PCDHA1: variants seen among roughly 807,000 people sequenced by gnomAD.
The protein encoded by PCDHA1 is protocadherin alpha-1.
Under a neutral mutation model 61.3 loss-of-function variants are expected in PCDHA1, and 42 were observed. The ratio of observed to expected loss-of-function variants is 0.69; its 90% CI spans 0.54 to 0.89. The LOEUF (loss-of-function observed/expected upper bound fraction) is 0.89, where lower values mean the gene tolerates loss of function less well. Ranked by LOEUF, PCDHA1 falls within the 40% of genes least tolerant of loss-of-function variation. The pLI is 0.00. For synonymous variants in PCDHA1, 610 were observed against 553.8 expected (o/e 1.10, Z -1.43); for missense variants, 1,256 against 1,235.3 (o/e 1.02, Z -0.25).
intron 1 of PCDHA1, among the ~76,000 whole-genome samples, chr5:140,941,221 TTC>T (rs1217645089): frequency 7.6e-6 from 1 of 131,640 alleles, no homozygotes; most frequent in African/African-American, 3.0e-5. Flanking sequence ...CTTCCTTTCT[TTC>T]TTTCTTTCTT....
chr5:140,786,724 CT>C lies in PCDHA1; in HGVS notation c.435del (p.Arg146AspfsTer3). 6.2e-7 allele frequency: 1 copy of C among 1,614,212 alleles called. No homozygotes were observed. Among genetic ancestry groups the C allele is most frequent in the South Asian group, 1.1e-5 (1 of 91,088 alleles). ...GREQIIFIPESRLLNSRFPIE... is the reference protein window; with the variant it reads ...GREQIIFIPEXRLLNSRFPIE... ...GAACAAATAATATTTATTCCTGAAT[CT>C]AGACTCCTGAATTCGCGTTTTCCGA... is the stretch of plus-strand genomic sequence containing the variant. On this transcript the variant is annotated frameshift_variant, in exon 1 of 4. Coordinates refer to ENST00000504120, the MANE Select transcript of PCDHA1 (RefSeq NM_018900.4). LOFTEE classifies it high-confidence loss of function.
At position 140,853,431 on chromosome 5, in the gene PCDHA1, T is replaced by C; in HGVS notation, c.2394+64747T>C. 3.0e-6 allele frequency: 3 copies of C among 985,312 alleles called. No homozygotes were observed. In the African/African-American group the frequency reaches 5.3e-5, roughly 17 times the overall value. The allele number at this position is 985,312 out of a possible 1,614,324, so 61.0% of individuals were successfully genotyped here. On this transcript the variant is annotated intron_variant, in intron 1 of 3. Coordinates refer to ENST00000504120, the MANE Select transcript of PCDHA1 (RefSeq NM_018900.4). ...AGAGGTGAAAGCAGAAGAGACACTTTCCTATTTTGCCTAATAGGTCTCCTT... is the reference window on the plus strand; with the variant it reads ...AGAGGTGAAAGCAGAAGAGACACTTCCCTATTTTGCCTAATAGGTCTCCTT...
intron 1 of PCDHA1, among the ~76,000 whole-genome samples, chr5:140,909,491 A>T (rs1031839388): frequency 1.3e-5 from 2 of 152,218 alleles, no homozygotes; most frequent in Non-Finnish European, 2.9e-5. Flanking sequence ...GGAGAGCTGA[A>T]CGGGGATGTG....
intron 1 of PCDHA1, chr5:140,824,244 A>AC: frequency 6.8e-7 from 1 of 1,468,334 alleles, no homozygotes; most frequent in Non-Finnish European, 9.4e-7. Context: ...ATATTGTGGT[A>AC]CACAATTATT....
intron 1 of PCDHA1, chr5:140,864,197 G>A (rs2048362384): frequency 6.6e-6 from 1 of 152,118 alleles, no homozygotes; most frequent in Non-Finnish European, 1.5e-5. Context: ...ATCCTTATGA[G>A]AAGGTCAAAT....
At chr5:140,984,339 A>G (rs956761683) in intron 3 of PCDHA1, among the ~76,000 whole-genome samples, 2 of 152,246 alleles carry the variant, frequency 1.3e-5, no homozygotes, top group Non-Finnish European at 2.9e-5. Context: ...AATAGGAACC[A>G]TGTATTGATA....
At chr5:140,834,412 G>T in intron 1 of PCDHA1, 1 of 1,611,044 alleles carries the variant, frequency 6.2e-7, no homozygotes, top group Non-Finnish European at 8.5e-7. Flanking sequence ...TACGACCCAG[G>T]GGGCCGACAT....
At chr5:140,875,588 C>T in intron 1 of PCDHA1, 1 of 1,613,954 alleles carries the variant, frequency 6.2e-7, no homozygotes, top group Non-Finnish European at 8.5e-7. Flanking sequence ...TACGAGGAGG[C>T]CAAACACGGC....
chr5:140,845,110 T>C (rs1779704552), intron 1 of PCDHA1, among the ~76,000 whole-genome samples: 1 of 149,836 alleles, frequency 6.7e-6, no homozygotes, highest in East Asian at 1.9e-4. Flanking sequence ...TTAATGCCTG[T>C]CCATGTTTAG....
rs2150124960 is a variant in PCDHA1 at position 140,823,354 on chromosome 5, G to C, written c.2394+34670G>C. ...GCTGCAGCCGCTGGACCACGAGGAA[G>C]TGGAGCTGCTGCAGTTCCAGGTGAG... On this transcript the variant is annotated intron_variant, in intron 1 of 3. Coordinates refer to ENST00000504120, the MANE Select transcript of PCDHA1 (RefSeq NM_018900.4). 30 of 1,612,450 alleles carry C rather than the reference G, an allele frequency of 1.9e-5. No individual in the cohort carries two copies. In the African/African-American group the frequency reaches 2.8e-4, roughly 15 times the overall value.
chr5:140,854,692 A>G (rs1554147391), intron 1 of PCDHA1: 1 of 150,100 alleles, frequency 6.7e-6, no homozygotes, highest in African/African-American at 2.4e-5. Flanking sequence ...TCTGTTGTTA[A>G]GTTTTCCTTT....
At chr5:140,983,767 A>C (rs550605597) in intron 3 of PCDHA1, among the ~76,000 whole-genome samples, 23 of 152,326 alleles carry the variant, frequency 1.5e-4, no homozygotes, top group African/African-American at 5.3e-4. Context: ...TCAAATACAT[A>C]TCTACATACA....
intron 1 of PCDHA1, chr5:140,870,643 G>C (rs782549928): frequency 6.2e-7 from 1 of 1,612,678 alleles, no homozygotes; most frequent in African/African-American, 1.3e-5. Flanking sequence ...CGCGGAGAGC[G>C]GCAAGGTGTA....
chr5:140,794,803 C>A, intron 1 of PCDHA1: 1 of 743,512 alleles, frequency 1.3e-6, no homozygotes, highest in Non-Finnish European at 2.2e-6. Context: ...ATGTCGCTGT[C>A]CACCATAGAG....
intron 1 of PCDHA1, among the ~76,000 whole-genome samples, chr5:140,925,577 C>T (rs931426226): frequency 2.6e-5 from 4 of 151,714 alleles, no homozygotes; most frequent in Non-Finnish European, 5.9e-5. Context: ...AGCACACCAA[C>T]ATGGCGCATG....
At position 140,957,153 on chromosome 5, in the gene PCDHA1, A is replaced by G. The variant is rs988889035; in HGVS notation, c.2395-21796A>G. Among the ~76,000 whole-genome samples, 121 of 152,268 alleles carry G rather than the reference A, an allele frequency of 7.9e-4. 1 individual carries two copies. Among genetic ancestry groups the G allele is most frequent in the East Asian group, 3.9e-4 (2 of 5,186 alleles). On this transcript the variant is annotated intron_variant, in intron 1 of 3. Transcript: ENST00000504120. Reference sequence around the variant, plus strand: ...ACACTATGAACTAAAAATTTTGGAGACAAATCTAAGTATATAAATTGGTTT... The same window carrying G: ...ACACTATGAACTAAAAATTTTGGAGGCAAATCTAAGTATATAAATTGGTTT...
intron 1 of PCDHA1, among the ~76,000 whole-genome samples, chr5:140,826,618 T>C (rs935970979): frequency 1.3e-5 from 2 of 152,148 alleles, no homozygotes; most frequent in African/African-American, 4.8e-5. Context: ...GCGAAGTTGA[T>C]ATTTGGCCCT....
intron 1 of PCDHA1, chr5:140,871,242 G>T: frequency 6.2e-7 from 1 of 1,613,980 alleles, no homozygotes; most frequent in South Asian, 1.1e-5. Flanking sequence ...TGGTACTCAC[G>T]CTGCTGCTGT....
At chr5:140,984,783 G>A (rs2097120793) in intron 3 of PCDHA1, among the ~76,000 whole-genome samples, 1 of 152,152 alleles carries the variant, frequency 6.6e-6, no homozygotes, top group African/African-American at 2.4e-5. Flanking sequence ...CTTGCTGGGT[G>A]AGCATAGACA....
Sources: allele counts gnomAD v4.1 joint callset (sites outside exome capture counted in the v4.1 genomes callset), GRCh38; gene constraint gnomAD v4.1.1; transcripts MANE v1.5; gene names NCBI Gene and HGNC (gene_info 2026-07-23, HGNC 2026-07-21).